EBF1: variants seen among roughly 807,000 people sequenced by gnomAD.
EBF1 encodes transcription factor COE1.
EBF1 carries 10 observed loss-of-function variants against 68.4 expected under a neutral mutation model. The ratio of observed to expected loss-of-function variants is 0.15; its 90% CI spans 0.09 to 0.25. The LOEUF (loss-of-function observed/expected upper bound fraction) is 0.25, where lower values mean the gene tolerates loss of function less well. Among genes scored for constraint, EBF1 ranks in the 10% least tolerant of loss-of-function variants. EBF1 has a pLI of 1.00. For synonymous variants in EBF1, 298 were observed against 299.8 expected (o/e 0.99, Z 0.06); for missense variants, 509 against 794.4 (o/e 0.64, Z 4.32).
chr5:158,906,481 T>C (rs1027757878), intron 6 of EBF1, among the ~76,000 whole-genome samples: 1 of 152,128 alleles, frequency 6.6e-6, no homozygotes, highest in African/African-American at 2.4e-5. Context: ...TACCTGAACA[T>C]GCTCAGTGTT....
At chr5:158,949,467 C>T (rs1815526521) in intron 6 of EBF1, among the ~76,000 whole-genome samples, 2 of 152,154 alleles carry the variant, frequency 1.3e-5, no homozygotes, top group Admixed American at 1.3e-4. Flanking sequence ...CCCATCTCTA[C>T]AAAAACAACT....
At chr5:158,878,992 A>C (rs984313130) in intron 6 of EBF1, among the ~76,000 whole-genome samples, 1 of 152,200 alleles carries the variant, frequency 6.6e-6, no homozygotes, top group Non-Finnish European at 1.5e-5. Flanking sequence ...CCCAATAAAC[A>C]GAAAAAAAGA....
chr5:159,005,734 T>C (rs1763430151), intron 6 of EBF1, among the ~76,000 whole-genome samples: 1 of 152,226 alleles, frequency 6.6e-6, no homozygotes. Flanking sequence ...CCTTAATCTT[T>C]TATGGCAGTG....
At position 158,991,804 on chromosome 5, in the gene EBF1, T is replaced by TA. The variant is rs1760380662; in HGVS notation, c.554+81591dup. On this transcript the variant is annotated intron_variant, in intron 6 of 15. Transcript: ENST00000313708. ...TGCATATAAAATTCAAGCCATTTCT[T>TA]ATGTTGTGTCTGTGTTACCTGTGGA... 2.6e-5 allele frequency among the ~76,000 whole-genome samples: 4 copies of TA among 152,334 alleles called. No individual in the cohort carries two copies. The South Asian group carries it at 8.3e-4, about 32-fold the overall frequency.
chr5:158,710,179 T>C (rs1029347375), intron 14 of EBF1, among the ~76,000 whole-genome samples: 11 of 152,236 alleles, frequency 7.2e-5, no homozygotes, highest in African/African-American at 2.7e-4. Flanking sequence ...TTTGTGCAGA[T>C]AAAGCCGTCC....
At chr5:159,089,679 CA>C (rs75542690) in intron 4 of EBF1, among the ~76,000 whole-genome samples, 16,145 of 151,758 alleles carry the variant, frequency 0.11, 1,147 homozygotes, top group East Asian at 0.35. Context: ...CAGCAAAATC[CA>C]AAGGATTTTT....
chr5:158,753,103 A>T lies in EBF1; in HGVS notation c.1037-21946T>A, dbSNP rs138161545. ...CAAAATGGAAATCATGAACTATAGT[A>T]AGAAAGCAGAAAGTAATTTTTTTTT... is the stretch of plus-strand genomic sequence containing the variant. On this transcript the variant is annotated intron_variant, in intron 10 of 15. Coordinates refer to ENST00000313708, the MANE Select transcript of EBF1 (RefSeq NM_024007.5). Among the ~76,000 whole-genome samples the T allele has an allele frequency of 2.8e-3, 422 of 152,276 alleles. 3 individuals are homozygous for T. Among genetic ancestry groups the T allele is most frequent in the African/African-American group, 9.4e-3 (392 of 41,574 alleles).
intron 6 of EBF1, among the ~76,000 whole-genome samples, chr5:159,010,882 T>C (rs368036554): frequency 1.2e-4 from 19 of 152,222 alleles, no homozygotes; most frequent in African/African-American, 4.6e-4. Flanking sequence ...ATAAACAGTG[T>C]TTTTTGGGAT....
chr5:159,092,613 G>T (rs1781853649), intron 4 of EBF1, among the ~76,000 whole-genome samples: 1 of 152,162 alleles, frequency 6.6e-6, no homozygotes, highest in Non-Finnish European at 1.5e-5. Flanking sequence ...ACAGTTTATG[G>T]AAATGTAGAA....
intron 8 of EBF1, among the ~76,000 whole-genome samples, chr5:158,818,609 G>A (rs1434531235): frequency 2.0e-5 from 3 of 152,152 alleles, no homozygotes; most frequent in Admixed American, 2.0e-4. Context: ...AAAATACTTT[G>A]AGTGTGACCA....
chr5:158,752,687 A>C lies in EBF1; in HGVS notation c.1037-21530T>G, dbSNP rs116896286. Among the ~76,000 whole-genome samples, 261 of 152,220 alleles carry C rather than the reference A, an allele frequency of 1.7e-3. 3 individuals carry two copies. Among genetic ancestry groups the C allele is most frequent in the East Asian group, 0.014 (70 of 5,176 alleles). ...TTTCAAAGCTCCTCTTCACACATGT[A>C]ACTTTCAAACTGACAGTGGTAACTT... On this transcript the variant is annotated intron_variant, in intron 10 of 15. Coordinates refer to ENST00000313708, the MANE Select transcript of EBF1 (RefSeq NM_024007.5).
intron 6 of EBF1, among the ~76,000 whole-genome samples, chr5:159,035,433 G>A (rs1472002132): frequency 1.3e-5 from 2 of 152,140 alleles, no homozygotes; most frequent in Non-Finnish European, 2.9e-5. Context: ...TGATACCAAA[G>A]GTTAAGTTAT....
chr5:158,858,303 C>A (rs936348064), intron 6 of EBF1, among the ~76,000 whole-genome samples: 12 of 152,176 alleles, frequency 7.9e-5, no homozygotes, highest in African/African-American at 2.9e-4. Flanking sequence ...AAGAGAACAG[C>A]AGACCCGCCT....
At chr5:158,932,895 C>G (rs1811186502) in intron 6 of EBF1, among the ~76,000 whole-genome samples, 1 of 152,082 alleles carries the variant, frequency 6.6e-6, no homozygotes, top group African/African-American at 2.4e-5. Context: ...ACATTTGGAG[C>G]CCAGATCATT....
At chr5:159,068,072 G>A (rs185769142) in intron 6 of EBF1, among the ~76,000 whole-genome samples, 108 of 152,258 alleles carry the variant, frequency 7.1e-4, no homozygotes, top group South Asian at 1.7e-3. Flanking sequence ...TTATGCATTG[G>A]TGGTGGTTGG....
chr5:158,824,128 A>C (rs1043466170), intron 7 of EBF1, among the ~76,000 whole-genome samples: 2 of 152,206 alleles, frequency 1.3e-5, no homozygotes, highest in Non-Finnish European at 2.9e-5. Flanking sequence ...ATTAAAACTG[A>C]AACCCACAGA....
chr5:159,018,394 T>C (rs35268985), intron 6 of EBF1, among the ~76,000 whole-genome samples: 20,856 of 152,274 alleles, frequency 0.14, 1,498 homozygotes, highest in African/African-American at 0.16. Context: ...GAGTGCAGTA[T>C]GCATGCGTTT....
intron 6 of EBF1, among the ~76,000 whole-genome samples, chr5:158,907,827 T>C (rs1804988691): frequency 6.6e-6 from 1 of 152,034 alleles, no homozygotes. Flanking sequence ...TGCATTAGTG[T>C]TCTCTCTTTT....
chr5:158,965,908 G>T lies in EBF1; in HGVS notation c.554+107488C>A, dbSNP rs370199221. ...GATTAATCATTCAGATGGGTACAAC[G>T]GTGTCATCACAGGTTTTAAATATGA... On this transcript the variant is annotated intron_variant, in intron 6 of 15. Transcript: ENST00000313708. Among the ~76,000 whole-genome samples the T allele has an allele frequency of 2.0e-5, 3 of 152,212 alleles. No individual in the cohort carries two copies. In the East Asian group the frequency reaches 5.8e-4, roughly 29 times the overall value.
Sources: gnomAD v4.1 joint callset for allele counts (sites outside exome capture counted in the v4.1 genomes callset) on GRCh38, gnomAD v4.1.1 for gene constraint, MANE v1.5 for transcripts, NCBI Gene and HGNC (gene_info 2026-07-23, HGNC 2026-07-21) for gene names.